Variants in PKHD1 observed in about 807,000 individuals in gnomAD.
PKHD1 encodes the protein PKHD1 ciliary IPT domain containing fibrocystin/polyductin.
PKHD1 carries 291 observed loss-of-function variants against 412.0 expected under a neutral mutation model. The observed-to-expected ratio is 0.71, with a 90% CI of 0.64 to 0.78. The LOEUF is 0.78. Among genes scored for constraint, PKHD1 ranks in the 30% least tolerant of loss-of-function variants. The pLI, the probability that PKHD1 is intolerant of heterozygous loss-of-function variation, is 0.00. For synonymous variants in PKHD1, 1,777 were observed against 1,821.5 expected, an observed-to-expected ratio of 0.98 and a Z score of 0.62; for missense variants, 4,825 against 4,950.7, an observed-to-expected ratio of 0.97 and a Z score of 0.76.
rs5876230 is a variant in PKHD1, at chr6:51,656,663, CT to C, written c.11174+2288del. ...AGTTGGTAGCTTATAGCTTTTCTTT[CT>C]TTTTTTTTTTTTTTAAGACAGTATC... On this transcript the variant is annotated intron_variant, in intron 61 of 66. Coordinates refer to ENST00000371117, the MANE Select transcript of PKHD1 (RefSeq NM_138694.4). 1.6e-3 allele frequency among the ~76,000 whole-genome samples: 226 copies of C among 142,018 alleles called. 2 individuals are homozygous for C. The highest frequency in any genetic ancestry group is 9.1e-3 in the Admixed American group (130 of 14,278). The allele number at this position is 142,018 out of a possible 152,430, so 93.2% of individuals were successfully genotyped here. A position where few individuals can be genotyped will look rare whatever the true frequency, so the allele number is the denominator to read the frequency against.
intron 60 of PKHD1, among the ~76,000 whole-genome samples, chr6:51,742,067 T>A (rs547945396): frequency 6.6e-6 from 1 of 152,342 alleles, no homozygotes; most frequent in African/African-American, 2.4e-5. Context: ...AGAACACCAT[T>A]TGAGTAGATC....
chr6:51,951,582 AT>A (rs1790373366), intron 36 of PKHD1, among the ~76,000 whole-genome samples: 1 of 152,194 alleles, frequency 6.6e-6, no homozygotes, highest in African/African-American at 2.4e-5. Context: ...AGTATTGGAA[AT>A]AAAAGCAAAC....
chr6:51,625,589 C>T (rs950337835), intron 66 of PKHD1, among the ~76,000 whole-genome samples: 1 of 152,130 alleles, frequency 6.6e-6, no homozygotes. Context: ...AGAGCCCTTT[C>T]CCTGTCTCAT....
At chr6:51,903,840 T>C in intron 42 of PKHD1, 113 bp from the exon 43 acceptor site, 2 of 279,940 alleles carry the variant, frequency 7.1e-6, no homozygotes, top group South Asian at 9.8e-5. Flanking sequence ...TTCATATATA[T>C]ATATATATAT....
intron 5 of PKHD1, 147 bp downstream of exon 5, chr6:52,079,753 T>C (rs1429583407): frequency 1.4e-6 from 1 of 735,894 alleles, no homozygotes; most frequent in Non-Finnish European, 2.5e-6. Flanking sequence ...TTCATTAGTA[T>C]AATATAAGAA....
intron 60 of PKHD1, among the ~76,000 whole-genome samples, chr6:51,679,096 C>T (rs1304537767): frequency 1.3e-5 from 2 of 152,058 alleles, no homozygotes; most frequent in African/African-American, 4.8e-5. Flanking sequence ...TGGGAAGCCC[C>T]GGACACAATA....
intron 52 of PKHD1, among the ~76,000 whole-genome samples, chr6:51,815,476 A>G (rs779425763): frequency 6.6e-6 from 1 of 152,126 alleles, no homozygotes; most frequent in African/African-American, 2.4e-5. Flanking sequence ...GGGGAGGGAG[A>G]GAAAGGGAAA....
At chr6:51,739,932 C>T (rs1009646014) in intron 60 of PKHD1, 25 of 516,990 alleles carry the variant, frequency 4.8e-5, no homozygotes, top group Admixed American at 1.9e-4. Context: ...CTGGGACAGA[C>T]GGAAACTGAG....
In PKHD1 at chr6:51,769,193, C is replaced by T. The variant is rs146678838; in HGVS notation, c.8642+3509G>A. ...GTGTAAAGATTATTTTAGGCCTGTT[C>T]CCTTAAATTAACTGGGAATAGATTA... On this transcript the variant is annotated intron_variant, in intron 55 of 66. Coordinates refer to ENST00000371117, the MANE Select transcript of PKHD1 (RefSeq NM_138694.4). Among the ~76,000 whole-genome samples the T allele has an allele frequency of 4.4e-3, 664 of 151,210 alleles. 3 individuals are homozygous for T. Among genetic ancestry groups the T allele is most frequent in the Middle Eastern group, 0.017 (3 of 180 alleles).
Position 51,871,367 on chromosome 6 carries a change from T to C in PKHD1, c.7351-728A>G, listed in dbSNP as rs555507142. Among the ~76,000 whole-genome samples, 3 of 55,726 alleles carry C rather than the reference T, an allele frequency of 5.4e-5. No individual in the cohort carries two copies. In the East Asian group the frequency reaches 6.6e-4, roughly 12 times the overall value. The allele number at this position is 55,726 out of a possible 152,430, so 36.6% of individuals were successfully genotyped here. ...GATAATAAGGAATGTAATATTGATA[T>C]GTGCAACAAGTTAGATGAATCCCAA... On this transcript the variant is annotated intron_variant, in intron 46 of 66. Transcript: ENST00000371117.
intron 23 of PKHD1, among the ~76,000 whole-genome samples, chr6:52,046,608 G>T (rs111371668): frequency 6.6e-6 from 1 of 152,230 alleles, no homozygotes; most frequent in Admixed American, 6.5e-5. Flanking sequence ...AGTGAGGGAG[G>T]CGTACAGCAG....
intron 36 of PKHD1, among the ~76,000 whole-genome samples, chr6:51,935,125 G>A (rs1787262541): frequency 6.6e-6 from 1 of 152,046 alleles, no homozygotes; most frequent in African/African-American, 2.4e-5. Context: ...GCTTTCCACT[G>A]ATTAGTAGGT....
rs1582023947 is a variant in PKHD1, at chr6:52,059,946, T to C, written c.1215A>G (p.Ser405=). The part of the protein sequence containing the change: ...DSQASLHFSW[S]EEPRTKVKVA... ...TGAATACCTTAGTCCTTGGTTCCTC[T>C]GACCAACTGAAATGCAAGGAAGCTT... is the stretch of plus-strand genomic sequence containing the variant. Residue 405 remains serine, a synonymous_variant, in exon 15 of 67, where the codon TCA becomes TCG. Transcript: ENST00000371117. 1.9e-6 allele frequency: 3 copies of C among 1,568,318 alleles called. No individual in the cohort carries two copies. Among genetic ancestry groups the C allele is most frequent in the Non-Finnish European group, 2.6e-6 (3 of 1,138,160 alleles).
intron 60 of PKHD1, among the ~76,000 whole-genome samples, chr6:51,674,574 G>A (rs1021429918): frequency 1.3e-5 from 2 of 152,100 alleles, no homozygotes; most frequent in African/African-American, 4.8e-5. Context: ...ATGAAGATGA[G>A]GAAGAAGAAA....
intron 35 of PKHD1, among the ~76,000 whole-genome samples, chr6:51,988,490 C>A (rs994048473): frequency 4.6e-5 from 7 of 152,322 alleles, no homozygotes; most frequent in African/African-American, 1.7e-4. Context: ...CTTGCTCCCA[C>A]TTTAAACAAT....
intron 61 of PKHD1, among the ~76,000 whole-genome samples, chr6:51,656,722 A>G (rs552681089): frequency 6.7e-6 from 1 of 149,400 alleles, no homozygotes; most frequent in South Asian, 2.1e-4. Context: ...GTGTAGTGGC[A>G]TAATCTCAGC....
In PKHD1 at chr6:52,083,265, A is replaced by G. The variant is rs764256172; in HGVS notation, c.53-10T>C. ...AAACTCAGGTGACGTACTGTAAGTA[A>G]GTGAAAAAAAACATTGGTTTTGAAG... On this transcript the variant is annotated splice_polypyrimidine_tract_variant and intron_variant, in intron 2 of 66. Coordinates refer to ENST00000371117, the MANE Select transcript of PKHD1 (RefSeq NM_138694.4). The G allele has an allele frequency of 1.9e-6, 3 of 1,579,214 alleles. No individual in the cohort carries two copies. In the South Asian group the frequency reaches 3.3e-5, roughly 17 times the overall value.
At chr6:51,849,912 T>C (rs1419146355) in intron 49 of PKHD1, among the ~76,000 whole-genome samples, 2 of 152,222 alleles carry the variant, frequency 1.3e-5, no homozygotes, top group Admixed American at 6.5e-5. Context: ...ATCCCATTTG[T>C]CAATTTTTGC....
intron 7 of PKHD1, among the ~76,000 whole-genome samples, chr6:52,072,870 C>T (rs1182830941): frequency 6.6e-6 from 1 of 152,208 alleles, no homozygotes; most frequent in Non-Finnish European, 1.5e-5. Flanking sequence ...TTGCTTAGAG[C>T]TTCCTACAGC....
Sources: allele counts gnomAD v4.1 joint callset (sites outside exome capture counted in the v4.1 genomes callset), GRCh38; gene constraint gnomAD v4.1.1; transcripts MANE v1.5; gene names NCBI Gene and HGNC (gene_info 2026-07-23, HGNC 2026-07-21).